TSPAN7: variants seen among roughly 807,000 people sequenced by gnomAD.
TSPAN7 encodes the protein tetraspanin 7.
Under a neutral mutation model 17.6 loss-of-function variants are expected in TSPAN7, and 1 was observed. That is an observed-to-expected ratio of 0.06 (90% CI 0.02 to 0.27). The LOEUF is 0.27. TSPAN7 is among the 10% of genes least tolerant of loss of function. TSPAN7 has a pLI of 1.00. For synonymous variants in TSPAN7, 78 were observed against 79.0 expected, an observed-to-expected ratio of 0.99 and a Z score of 0.07; for missense variants, 112 against 201.7, an observed-to-expected ratio of 0.56 and a Z score of 2.69.
intron 1 of TSPAN7, among the ~76,000 whole-genome samples, chrX:38,580,822 C>T (rs2069223677): frequency 9.0e-6 from 1 of 111,475 alleles, no homozygotes; most frequent in African/African-American, 3.3e-5. Flanking sequence ...ACCTCTCCAG[C>T]CCCACTGAGC....
At chrX:38,597,901 A>G (rs1235310602) in intron 1 of TSPAN7, among the ~76,000 whole-genome samples, 1 of 111,541 alleles carries the variant, frequency 9.0e-6, no homozygotes, top group Non-Finnish European at 1.9e-5. Context: ...ATGAAAACAT[A>G]CTTCAGTATT....
At chrX:38,587,147 A>G (rs2069262838) in intron 1 of TSPAN7, among the ~76,000 whole-genome samples, 1 of 112,384 alleles carries the variant, frequency 8.9e-6, no homozygotes, top group South Asian at 3.7e-4. Flanking sequence ...GTATCCTACA[A>G]TGCTCAGGAT....
chrX:38,687,578 C>T (rs556376252), intron 6 of TSPAN7, 21 bp from the exon 7 acceptor site: 15 of 1,204,796 alleles, frequency 1.2e-5, no homozygotes, highest in South Asian at 5.4e-5. Flanking sequence ...TTCTCATTTT[C>T]GTTTTTCTCC....
intron 6 of TSPAN7, among the ~76,000 whole-genome samples, chrX:38,683,682 T>C (rs1018060905): frequency 8.9e-6 from 1 of 112,640 alleles, no homozygotes. Flanking sequence ...TGCAGCTATT[T>C]ATGGTGCTGT....
chrX:38,656,641 T>C (rs1298663887), intron 1 of TSPAN7, among the ~76,000 whole-genome samples: 3 of 112,134 alleles, frequency 2.7e-5, no homozygotes, highest in Non-Finnish European at 5.6e-5. Flanking sequence ...ATAAATCTCC[T>C]GGTAAGTGGC....
At chrX:38,586,126 G>T (rs1009056754) in intron 1 of TSPAN7, among the ~76,000 whole-genome samples, 1 of 112,264 alleles carries the variant, frequency 8.9e-6, no homozygotes, top group African/African-American at 3.2e-5. Context: ...CTTGGCCTAG[G>T]CATTTTCTTT....
chrX:38,611,715 A>G (rs764506427), intron 1 of TSPAN7, among the ~76,000 whole-genome samples: 1 of 111,992 alleles, frequency 8.9e-6, no homozygotes, highest in Non-Finnish European at 1.9e-5. Flanking sequence ...TTGTAACATA[A>G]TCTGTGACCC....
chrX:38,684,135 A>G (rs143621903), intron 6 of TSPAN7, among the ~76,000 whole-genome samples: 2 of 112,255 alleles, frequency 1.8e-5, no homozygotes, highest in South Asian at 3.7e-4. Flanking sequence ...GGCCATGCAC[A>G]TCTATTGTCT....
intron 1 of TSPAN7, among the ~76,000 whole-genome samples, chrX:38,562,357 G>A (rs1381722854): frequency 9.0e-6 from 1 of 111,457 alleles, no homozygotes; most frequent in Non-Finnish European, 1.9e-5. Context: ...GTCACTGCAT[G>A]AGCACAATCC....
intron 1 of TSPAN7, among the ~76,000 whole-genome samples, chrX:38,617,731 C>T (rs12689660): frequency 0.23 from 25,960 of 111,065 alleles, 2,874 homozygotes; most frequent in East Asian, 0.65. Flanking sequence ...ATGCTATTCT[C>T]TTTATTTAGA....
intron 1 of TSPAN7, among the ~76,000 whole-genome samples, chrX:38,602,910 C>T (rs997019508): frequency 5.4e-5 from 6 of 111,321 alleles, no homozygotes; most frequent in African/African-American, 2.0e-4. Context: ...GCTGAGTATT[C>T]GGGAATAAGT....
At chrX:38,636,680 CT>C (rs948469754) in intron 1 of TSPAN7, among the ~76,000 whole-genome samples, 6 of 105,996 alleles carry the variant, frequency 5.7e-5, no homozygotes, top group African/African-American at 3.4e-5. Flanking sequence ...TTTCTTTTTT[CT>C]TTTTTTTTTA....
chrX:38,579,317 C>T (rs1223500294), intron 1 of TSPAN7, among the ~76,000 whole-genome samples: 2 of 110,648 alleles, frequency 1.8e-5, no homozygotes, highest in Non-Finnish European at 3.8e-5. Context: ...TGGTGGCTCA[C>T]ACCTGTAATC....
At chrX:38,578,103 T>C (rs2069206769) in intron 1 of TSPAN7, among the ~76,000 whole-genome samples, 1 of 111,065 alleles carries the variant, frequency 9.0e-6, no homozygotes, top group Non-Finnish European at 1.9e-5. Context: ...CAGGTAGATG[T>C]TTGAAGTGGC....
chrX:38,667,265 AT>A (rs1465122365), intron 2 of TSPAN7, among the ~76,000 whole-genome samples: 1 of 112,331 alleles, frequency 8.9e-6, no homozygotes, highest in Non-Finnish European at 1.9e-5. Context: ...TATTACTGTG[AT>A]TTTTAACTTT....
At chrX:38,610,362 G>T (rs759193775) in intron 1 of TSPAN7, among the ~76,000 whole-genome samples, 11 of 112,146 alleles carry the variant, frequency 9.8e-5, no homozygotes, top group Admixed American at 3.8e-4. Context: ...TAGCTATGCT[G>T]CATGGCATAT....
chrX:38,626,577 C>T (rs1453659284), intron 1 of TSPAN7, among the ~76,000 whole-genome samples: 1 of 110,772 alleles, frequency 9.0e-6, no homozygotes, highest in African/African-American at 3.3e-5. Context: ...GAAAGGGCCA[C>T]AAAAGATGCA....
intron 1 of TSPAN7, chrX:38,656,137 TG>T (rs2069703295): frequency 4.0e-6 from 1 of 252,465 alleles, no homozygotes; most frequent in African/African-American, 2.8e-5. Context: ...TTGAACAGCA[TG>T]TTGTCTTGGA....
intron 2 of TSPAN7, among the ~76,000 whole-genome samples, chrX:38,668,733 A>G (rs1004297263): frequency 1.8e-5 from 2 of 111,823 alleles, no homozygotes; most frequent in African/African-American, 3.3e-5. Flanking sequence ...TGCAATATAC[A>G]TGGGGGCGTG....
Sources: allele counts gnomAD v4.1 joint callset (sites outside exome capture counted in the v4.1 genomes callset), GRCh38; gene constraint gnomAD v4.1.1; transcripts MANE v1.5; gene names NCBI Gene and HGNC (gene_info 2026-07-23, HGNC 2026-07-21).